The following TCF12 variants were observed in gnomAD, a reference collection of about 807,000 sequenced individuals.
TCF12 encodes DNA-binding protein HTF4.
TCF12 carries 45 observed loss-of-function variants against 86.0 expected under a neutral mutation model. That is an observed-to-expected ratio of 0.52 (90% CI 0.41 to 0.67). The LOEUF (loss-of-function observed/expected upper bound fraction) is 0.67, where lower values mean the gene tolerates loss of function less well. Ranked by LOEUF, TCF12 falls within the 30% of genes least tolerant of loss-of-function variation. The probability of loss-of-function intolerance (pLI) is 0.00; values close to 1 mark genes in which losing one functional copy is unlikely to be tolerated. For synonymous variants in TCF12, 330 were observed against 299.6 expected (o/e 1.10, Z -1.05); for missense variants, 881 against 859.9 (o/e 1.02, Z -0.31).
At chr15:57,154,658 A>G (rs991885097) in intron 5 of TCF12, among the ~76,000 whole-genome samples, 2 of 152,116 alleles carry the variant, frequency 1.3e-5, no homozygotes, top group South Asian at 2.1e-4. Flanking sequence ...ATGGCTATGT[A>G]TACAAAGAGA....
At chr15:57,197,904 AT>A in intron 8 of TCF12, 79 bp downstream of exon 8, 1 of 1,416,808 alleles carries the variant, frequency 7.1e-7, no homozygotes, top group Non-Finnish European at 9.9e-7. Flanking sequence ...ACAAGGGTAC[AT>A]TCGATTGATG....
chr15:56,924,233 G>T (rs565833088), intron 3 of TCF12, among the ~76,000 whole-genome samples: 1 of 151,980 alleles, frequency 6.6e-6, no homozygotes. Flanking sequence ...AATTAGTACA[G>T]TATCACAACT....
At chr15:57,083,242 CACATG>C (rs2048423837) in intron 4 of TCF12, among the ~76,000 whole-genome samples, 1 of 152,028 alleles carries the variant, frequency 6.6e-6, no homozygotes, top group Non-Finnish European at 1.5e-5. Flanking sequence ...GAGTTGTGGG[CACATG>C]ACTTTTTATT....
In TCF12 at chr15:57,183,781, G is replaced by A. The variant is rs375842957; in HGVS notation, c.391-8377G>A. Reference sequence around the variant, plus strand: ...TTTACTTCCCCCAACAACCTTGTGAGCTGTTTGTAGAAGAGGGAAACAGAC... The same window carrying A: ...TTTACTTCCCCCAACAACCTTGTGAACTGTTTGTAGAAGAGGGAAACAGAC... On this transcript the variant is annotated intron_variant, in intron 6 of 20. Transcript: ENST00000333725. Among the ~76,000 whole-genome samples the A allele has an allele frequency of 2.0e-5, 3 of 152,078 alleles. No homozygotes were observed. The East Asian group carries it at 5.8e-4, about 29-fold the overall frequency.
chr15:57,046,662 G>A (rs188548228), intron 3 of TCF12, among the ~76,000 whole-genome samples: 3 of 152,090 alleles, frequency 2.0e-5, no homozygotes, highest in African/African-American at 7.2e-5. Flanking sequence ...CACCATGTTG[G>A]CCAGGCTGTT....
At chr15:56,978,789 T>C (rs1433642473) in intron 3 of TCF12, among the ~76,000 whole-genome samples, 4 of 152,248 alleles carry the variant, frequency 2.6e-5, no homozygotes, top group African/African-American at 9.6e-5. Flanking sequence ...ATTGCTGGCC[T>C]AAGTATTCAG....
chr15:57,024,724 A>G (rs2065716115), intron 3 of TCF12, among the ~76,000 whole-genome samples: 1 of 152,164 alleles, frequency 6.6e-6, no homozygotes, highest in South Asian at 2.1e-4. Context: ...AATAGTGCCA[A>G]TCAGTAATTG....
intron 4 of TCF12, among the ~76,000 whole-genome samples, chr15:57,065,087 A>G (rs2068762623): frequency 6.6e-6 from 1 of 152,154 alleles, no homozygotes; most frequent in Admixed American, 6.5e-5. Flanking sequence ...GCCCATGTTT[A>G]ATTTATTTTA....
chr15:57,022,507 A>G (rs1402126368), intron 3 of TCF12, among the ~76,000 whole-genome samples: 1 of 152,242 alleles, frequency 6.6e-6, no homozygotes, highest in African/African-American at 2.4e-5. Context: ...TGCTATTGTG[A>G]ATAGTGCTGC....
chr15:57,197,722 A>C, intron 7 of TCF12, 51 bp from the exon 8 acceptor site: 1 of 1,590,620 alleles, frequency 6.3e-7, no homozygotes, highest in Non-Finnish European at 8.5e-7. Context: ...TGAAGTCTTG[A>C]TTTTTTTCTG....
chr15:57,283,212 C>A (rs2061775972), intron 20 of TCF12, among the ~76,000 whole-genome samples: 1 of 151,186 alleles, frequency 6.6e-6, no homozygotes, highest in Non-Finnish European at 1.5e-5. Context: ...AAAGACTGTT[C>A]TTTATATCTT....
intron 16 of TCF12, 62 bp from the exon 17 acceptor site, chr15:57,262,032 G>T: frequency 1.8e-6 from 2 of 1,090,050 alleles, no homozygotes; most frequent in East Asian, 2.5e-5. Flanking sequence ...AAATAATTTG[G>T]ACAGTTATTG....
intron 3 of TCF12, among the ~76,000 whole-genome samples, chr15:57,059,829 G>T (rs1455524024): frequency 6.7e-6 from 1 of 149,096 alleles, no homozygotes. Flanking sequence ...AAAAATTCCA[G>T]TTTCCAGTTT....
chr15:57,147,443 A>G (rs1016097902), intron 5 of TCF12, among the ~76,000 whole-genome samples: 17 of 152,248 alleles, frequency 1.1e-4, no homozygotes, highest in African/African-American at 3.1e-4. Flanking sequence ...TTTTAAATTA[A>G]TCCTGCTTAT....
intron 5 of TCF12, among the ~76,000 whole-genome samples, chr15:57,119,379 C>T (rs774062284): frequency 5.3e-5 from 8 of 150,900 alleles, no homozygotes; most frequent in Non-Finnish European, 1.0e-4. Context: ...TCTCAAACTC[C>T]TGATGTGAAG....
At chr15:57,248,492 CCTTCTGG>C (rs771947237) in intron 13 of TCF12, among the ~76,000 whole-genome samples, 49 of 152,308 alleles carry the variant, frequency 3.2e-4, no homozygotes, top group Non-Finnish European at 4.3e-4. Flanking sequence ...TTCATTACCT[CCTTCTGG>C]AATATAAATG....
intron 7 of TCF12, among the ~76,000 whole-genome samples, chr15:57,193,655 A>AT (rs36121925): frequency 3.9e-5 from 6 of 152,188 alleles, no homozygotes; most frequent in African/African-American, 1.2e-4. Context: ...ATTATGTCAC[A>AT]TTTTTTTATT....
chr15:56,927,826 G>A (rs1447564998), intron 3 of TCF12, among the ~76,000 whole-genome samples: 1 of 152,204 alleles, frequency 6.6e-6, no homozygotes, highest in Non-Finnish European at 1.5e-5. Context: ...GGAGTTACAT[G>A]TATAAAATTA....
intron 3 of TCF12, among the ~76,000 whole-genome samples, chr15:57,031,024 A>G (rs1205448982): frequency 6.6e-6 from 1 of 152,220 alleles, no homozygotes; most frequent in East Asian, 1.9e-4. Context: ...TAAAGCCTAC[A>G]TACTTGTCAT....
Sources: allele counts gnomAD v4.1 joint callset (sites outside exome capture counted in the v4.1 genomes callset), GRCh38; gene constraint gnomAD v4.1.1; transcripts MANE v1.5; gene names NCBI Gene and HGNC (gene_info 2026-07-23, HGNC 2026-07-21).